The following EP300 variants were observed in gnomAD, a reference collection of about 807,000 sequenced individuals.
EP300 encodes the protein histone acetyltransferase p300.
EP300 carries 31 observed loss-of-function variants against 264.0 expected under a neutral mutation model. The ratio of observed to expected loss-of-function variants is 0.12; its 90% CI spans 0.09 to 0.16. The LOEUF is 0.16. EP300 is among the 10% of genes least tolerant of loss of function. EP300 has a pLI of 1.00. For synonymous variants in EP300, 1,340 were observed against 1,045.4 expected (o/e 1.28, Z -5.44); for missense variants, 2,766 against 3,052.9 (o/e 0.91, Z 2.21).
At position 41,173,733 on chromosome 22, in the gene EP300, A is replaced by G. The variant is rs1358103748; in HGVS notation, c.4728A>G (p.Val1576=). 1.2e-6 allele frequency: 2 copies of G among 1,614,108 alleles called. No individual in the cohort carries two copies. The highest frequency in any genetic ancestry group is 1.1e-5 in the South Asian group (1 of 91,088). The change falls in exon 29 of 31, where the codon GTA becomes GTG. Residue 1576 remains valine (V), a synonymous_variant. Coordinates refer to ENST00000263253, the MANE Select transcript of EP300 (RefSeq NM_001429.4). ...GNKKKPGMPN[V]SNDLSQKLYA... Reference sequence around the variant, plus strand: ...AGAAGAAACCCGGGATGCCCAATGTATCTAACGACCTCTCACAGAAACTAT... The same window carrying G: ...AGAAGAAACCCGGGATGCCCAATGTGTCTAACGACCTCTCACAGAAACTAT...
chr22:41,141,456 G>C (rs946917022), intron 10 of EP300, among the ~76,000 whole-genome samples: 1 of 152,248 alleles, frequency 6.6e-6, no homozygotes, highest in African/African-American at 2.4e-5. Flanking sequence ...TGTTTTTAGA[G>C]CCCAAGGTGT....
At chr22:41,149,282 A>G in intron 13 of EP300, 107 bp downstream of exon 13, 3 of 1,346,784 alleles carry the variant, frequency 2.2e-6, no homozygotes, top group Non-Finnish European at 3.2e-6. Context: ...AAAACAGATG[A>G]TTTTTTAAAA....
At chr22:41,107,561 A>G (rs1284400787) in intron 1 of EP300, among the ~76,000 whole-genome samples, 1 of 152,144 alleles carries the variant, frequency 6.6e-6, no homozygotes, top group Non-Finnish European at 1.5e-5. Flanking sequence ...TTCATAGTAC[A>G]GTGTTTGGGA....
intron 23 of EP300, 30 bp from the exon 24 acceptor site, chr22:41,168,419 C>T: frequency 5.0e-6 from 8 of 1,613,666 alleles, no homozygotes; most frequent in Non-Finnish European, 5.9e-6. Context: ...AAATTTGCAC[C>T]TCAGTAACTT....
At chr22:41,140,287 C>A in intron 9 of EP300, 30 bp downstream of exon 9, 1 of 1,412,572 alleles carries the variant, frequency 7.1e-7, no homozygotes, top group Non-Finnish European at 1.0e-6. Flanking sequence ...CTATTAATAG[C>A]CAAGATTGAA....
At chr22:41,137,294 T>C (rs961861840) in intron 7 of EP300, among the ~76,000 whole-genome samples, 8 of 147,856 alleles carry the variant, frequency 5.4e-5, no homozygotes, top group Non-Finnish European at 1.2e-4. Flanking sequence ...AAGGCAGAGA[T>C]TGCAGTGATC....
chr22:41,151,106 T>C (rs776056631), intron 14 of EP300, among the ~76,000 whole-genome samples: 3 of 152,034 alleles, frequency 2.0e-5, no homozygotes, highest in African/African-American at 7.2e-5. Flanking sequence ...GATACCGATA[T>C]TAATATATAT....
intron 12 of EP300, among the ~76,000 whole-genome samples, chr22:41,148,566 T>C (rs569007762): frequency 6.6e-6 from 1 of 152,328 alleles, no homozygotes; most frequent in South Asian, 2.1e-4. Flanking sequence ...GGAAATGACA[T>C]GTAACAGTGC....
chr22:41,130,243 C>A lies in EP300; in HGVS notation c.1282+240C>A, dbSNP rs75829147. Among the ~76,000 whole-genome samples, 2,655 of 146,396 alleles carry A rather than the reference C, an allele frequency of 0.018. 73 individuals carry two copies. Among genetic ancestry groups the A allele is most frequent in the African/African-American group, 0.064 (2,537 of 39,662 alleles). ...TCCAGCCTGAGTGATGGAGTGAGAA[C>A]CTGCCTCAATTAAAAAAAAAAAAAA... On this transcript the variant is annotated intron_variant, in intron 5 of 30. Transcript: ENST00000263253.
In EP300 at chr22:41,152,899, A is replaced by G. The variant is rs529524952; in HGVS notation, c.3142+549A>G. Among the ~76,000 whole-genome samples, 17 of 152,194 alleles carry G rather than the reference A, an allele frequency of 1.1e-4. No homozygotes were observed. The East Asian group carries it at 3.1e-3, about 28-fold the overall frequency. On this transcript the variant is annotated intron_variant, in intron 16 of 30. Coordinates refer to ENST00000263253, the MANE Select transcript of EP300 (RefSeq NM_001429.4). The stretch of plus-strand genomic sequence containing the variant: ...CAGCCTCCCGAGTATCTGGGACTGC[A>G]TGCGCATGCCACCATGCCCGTCTAA...
chr22:41,102,114 G>A (rs984266861), intron 1 of EP300, among the ~76,000 whole-genome samples: 1 of 145,054 alleles, frequency 6.9e-6, no homozygotes, highest in Non-Finnish European at 1.5e-5. Flanking sequence ...ATAATTTGAA[G>A]AATACTGGCG....
chr22:41,125,722 C>T, intron 2 of EP300, 142 bp from the exon 3 acceptor site: 1 of 890,412 alleles, frequency 1.1e-6, no homozygotes, highest in South Asian at 1.7e-5. Context: ...GTCACGTTGC[C>T]CAAGCTGTAG....
intron 15 of EP300, 46 bp from the exon 16 acceptor site, chr22:41,152,160 A>C (rs895149872): frequency 1.2e-6 from 2 of 1,604,032 alleles, no homozygotes; most frequent in Non-Finnish European, 8.5e-7. Flanking sequence ...ACTGATTCCC[A>C]ACTAGATATC....
At chr22:41,163,903 T>C in intron 21 of EP300, 150 bp from the exon 22 acceptor site, 1 of 757,226 alleles carries the variant, frequency 1.3e-6, no homozygotes, top group Admixed American at 2.0e-5. Flanking sequence ...ACAGAGACCC[T>C]ATCTCTAAAA....
intron 25 of EP300, chr22:41,169,109 A>T: frequency 1.7e-6 from 1 of 604,010 alleles, no homozygotes; most frequent in South Asian, 1.9e-5. Flanking sequence ...CTGAAATTGG[A>T]ATTTGAAAAC....
At chr22:41,153,529 C>T (rs1443084623) in intron 16 of EP300, among the ~76,000 whole-genome samples, 1 of 152,128 alleles carries the variant, frequency 6.6e-6, no homozygotes, top group East Asian at 1.9e-4. Context: ...GCGGGCAGAT[C>T]ACTTGAGGTC....
chr22:41,114,670 A>G (rs2058811763), intron 1 of EP300, among the ~76,000 whole-genome samples: 1 of 152,320 alleles, frequency 6.6e-6, no homozygotes, highest in South Asian at 2.1e-4. Context: ...AGGAGCTGGT[A>G]TATAAGTGGT....
intron 1 of EP300, among the ~76,000 whole-genome samples, chr22:41,099,627 A>G (rs1401142858): frequency 8.5e-5 from 13 of 152,188 alleles, no homozygotes; most frequent in Non-Finnish European, 1.5e-5. Flanking sequence ...ACCTCCGCAT[A>G]CAATTTTTTT....
intron 17 of EP300, among the ~76,000 whole-genome samples, 162 bp downstream of exon 17, chr22:41,155,275 C>T (rs1472690396): frequency 6.6e-6 from 1 of 151,712 alleles, no homozygotes; most frequent in Non-Finnish European, 1.5e-5. Context: ...GTTGCCTAGG[C>T]TGGAGTGCAG....
Sources: allele counts gnomAD v4.1 joint callset (sites outside exome capture counted in the v4.1 genomes callset), GRCh38; gene constraint gnomAD v4.1.1; transcripts MANE v1.5; gene names NCBI Gene and HGNC (gene_info 2026-07-23, HGNC 2026-07-21).